Variants in SLC25A33 observed in about 807,000 individuals in gnomAD.
SLC25A33 encodes solute carrier family 25 member 33.
Under a neutral mutation model 35.5 loss-of-function variants are expected in SLC25A33, and 15 were observed. The ratio of observed to expected loss-of-function variants is 0.42; its 90% CI spans 0.28 to 0.65. SLC25A33 has a LOEUF of 0.65. Among genes scored for constraint, SLC25A33 ranks in the 30% least tolerant of loss-of-function variants. The probability of loss-of-function intolerance (pLI) is 0.20; values close to 1 mark genes in which losing one functional copy is unlikely to be tolerated. For synonymous variants in SLC25A33, 136 were observed against 148.7 expected, an observed-to-expected ratio of 0.91 and a Z score of 0.62; for missense variants, 257 against 398.5, an observed-to-expected ratio of 0.64 and a Z score of 3.02.
intron 1 of SLC25A33, among the ~76,000 whole-genome samples, chr1:9,542,601 T>A (rs1319121292): frequency 6.6e-6 from 1 of 152,204 alleles, no homozygotes; most frequent in Non-Finnish European, 1.5e-5. Flanking sequence ...GAATATGTGC[T>A]GCCTTGCTCC....
At chr1:9,571,443 G>A (rs1336862585) in intron 4 of SLC25A33, among the ~76,000 whole-genome samples, 1 of 151,584 alleles carries the variant, frequency 6.6e-6, no homozygotes, top group Non-Finnish European at 1.5e-5. Flanking sequence ...ATAGGCACGT[G>A]TCACCACACC....
chr1:9,554,055 C>T (rs1015591504), intron 2 of SLC25A33, among the ~76,000 whole-genome samples: 3 of 152,116 alleles, frequency 2.0e-5, no homozygotes, highest in Admixed American at 1.3e-4. Context: ...CAAAAATCCA[C>T]GTGTAAATTG....
chr1:9,563,687 A>G (rs146284349), intron 2 of SLC25A33, among the ~76,000 whole-genome samples: 2 of 152,222 alleles, frequency 1.3e-5, no homozygotes, highest in African/African-American at 2.4e-5. Context: ...GTGTGTTATA[A>G]TGAAAGTAAA....
intron 1 of SLC25A33, among the ~76,000 whole-genome samples, chr1:9,552,974 A>G (rs111900977): frequency 1.3e-3 from 182 of 135,180 alleles, no homozygotes; most frequent in African/African-American, 5.1e-3. Context: ...CTGGAGTGCA[A>G]TGGCAAGATC....
chr1:9,551,182 A>C (rs1643262289), intron 1 of SLC25A33, among the ~76,000 whole-genome samples: 1 of 151,670 alleles, frequency 6.6e-6, no homozygotes, highest in Non-Finnish European at 1.5e-5. Context: ...CAGGAGTTGA[A>C]GACCAGCCTG....
chr1:9,572,668 A>G (rs557292535), intron 4 of SLC25A33, among the ~76,000 whole-genome samples: 1 of 152,094 alleles, frequency 6.6e-6, no homozygotes, highest in Non-Finnish European at 1.5e-5. Flanking sequence ...ATCTGCTTCC[A>G]CAGCACTATA....
chr1:9,539,731 C>A lies in SLC25A33; in HGVS notation c.40C>A (p.His14Asn). Reference sequence around the variant, plus strand: ...CCAGCAGAAGGAGAACACGCTGCTTCACCTCTTCGCCGGCGGGTGAGTTCC... The same window carrying A: ...CCAGCAGAAGGAGAACACGCTGCTTAACCTCTTCGCCGGCGGGTGAGTTCC... The part of the protein sequence containing the change: ...GGQQKENTLL[H>N]LFAGGCGGTV... The change falls in exon 1 of 7, where the codon CAC becomes AAC. Residue 14 changes from histidine (H) to asparagine (N), a missense_variant. Coordinates refer to ENST00000302692, the MANE Select transcript of SLC25A33 (RefSeq NM_032315.3). The A allele has an allele frequency of 7.1e-7, 1 of 1,407,478 alleles. No individual in the cohort carries two copies. Among genetic ancestry groups the A allele is most frequent in the South Asian group, 1.4e-5 (1 of 70,010 alleles). The allele number at this position is 1,407,478 out of a possible 1,614,324, so 87.2% of individuals were successfully genotyped here. A position where few individuals can be genotyped will look rare whatever the true frequency, so the allele number is the denominator to read the frequency against.
chr1:9,580,900 C>T (rs1643737446), intron 6 of SLC25A33, among the ~76,000 whole-genome samples: 1 of 149,438 alleles, frequency 6.7e-6, no homozygotes, highest in Non-Finnish European at 1.5e-5. Context: ...AATAATCATT[C>T]AGCCTCTATT....
chr1:9,555,969 G>A (rs1643336773), intron 2 of SLC25A33, among the ~76,000 whole-genome samples: 1 of 152,224 alleles, frequency 6.6e-6, no homozygotes, highest in Middle Eastern at 3.2e-3. Flanking sequence ...ATGGGCATGA[G>A]CCACTGTGTC....
intron 5 of SLC25A33, among the ~76,000 whole-genome samples, chr1:9,579,550 G>A (rs940288177): frequency 2.6e-5 from 4 of 152,186 alleles, no homozygotes; most frequent in African/African-American, 9.7e-5. Context: ...TAAGGGGCGT[G>A]GAGCTTTCAT....
At chr1:9,570,513 G>A (rs1643573834) in intron 4 of SLC25A33, among the ~76,000 whole-genome samples, 155 bp downstream of exon 4, 2 of 152,072 alleles carry the variant, frequency 1.3e-5, no homozygotes, top group Admixed American at 6.6e-5. Context: ...ATAGGAGAGT[G>A]AGAGCGGTTT....
intron 3 of SLC25A33, among the ~76,000 whole-genome samples, chr1:9,569,554 AATG>A: frequency 6.6e-6 from 1 of 152,346 alleles, no homozygotes; most frequent in Non-Finnish European, 1.5e-5. Context: ...AAAACACAAC[AATG>A]ATAAGTAGTT....
At chr1:9,576,974 G>C (rs753002799) in intron 5 of SLC25A33, 13 of 1,225,998 alleles carry the variant, frequency 1.1e-5, no homozygotes, top group Non-Finnish European at 1.5e-5. Flanking sequence ...TGTTCAGCAG[G>C]CTGATGAATA....
At chr1:9,574,118 C>CTTTTTTTTTTTTTT (rs57215050) in intron 5 of SLC25A33, among the ~76,000 whole-genome samples, 5 of 134,364 alleles carry the variant, frequency 3.7e-5, no homozygotes, top group Admixed American at 7.5e-5. Context: ...CTTTTCTTTT[C>CTTTTTTTTTTTTTT]TTTTTTTTTT....
At chr1:9,561,145 G>A (rs918786814) in intron 2 of SLC25A33, among the ~76,000 whole-genome samples, 3 of 152,002 alleles carry the variant, frequency 2.0e-5, no homozygotes, top group African/African-American at 4.8e-5. Context: ...GGTTTCAGCG[G>A]TATTAGCCAG....
intron 4 of SLC25A33, among the ~76,000 whole-genome samples, chr1:9,570,710 T>G (rs955529551): frequency 2.1e-5 from 3 of 143,726 alleles, no homozygotes; most frequent in South Asian, 2.3e-4. Flanking sequence ...TAGTTTTTTT[T>G]TTTTTTTTTT....
chr1:9,555,110 C>CTTTTTTTT (rs1172100444), intron 2 of SLC25A33, among the ~76,000 whole-genome samples: 9 of 91,196 alleles, frequency 9.9e-5, no homozygotes, highest in South Asian at 3.8e-4. Context: ...GCATTTAGCA[C>CTTTTTTTT]TTTTTTTTTT....
chr1:9,571,538 A>G (rs113656910), intron 4 of SLC25A33, among the ~76,000 whole-genome samples: 2 of 152,044 alleles, frequency 1.3e-5, no homozygotes, highest in Non-Finnish European at 2.9e-5. Context: ...CGGCCTCCCA[A>G]AGTGTTGGGA....
chr1:9,569,090 C>A (rs1246834394), intron 3 of SLC25A33, among the ~76,000 whole-genome samples: 5 of 151,608 alleles, frequency 3.3e-5, no homozygotes, highest in East Asian at 1.9e-4. Context: ...TACAAAAATA[C>A]AAAAATTAGC....
Sources: gnomAD v4.1 joint callset for allele counts (sites outside exome capture counted in the v4.1 genomes callset) on GRCh38, gnomAD v4.1.1 for gene constraint, MANE v1.5 for transcripts, NCBI Gene and HGNC (gene_info 2026-07-23, HGNC 2026-07-21) for gene names.